Variants in SNX13 observed in about 807,000 individuals in gnomAD.
SNX13 encodes sorting nexin 13.
A neutral mutation model predicts 133.6 loss-of-function variants in SNX13; 45 were observed. That is an observed-to-expected ratio of 0.34 (90% confidence interval 0.27 to 0.43). SNX13 has a LOEUF of 0.43. Ranked by LOEUF, SNX13 falls within the 20% of genes least tolerant of loss-of-function variation. SNX13 has a pLI of 1.00. For missense variants in SNX13, 1,032 were observed against 1,145.1 expected, an observed-to-expected ratio of 0.90 and a Z score of 1.43; for synonymous variants, 414 against 373.9, an observed-to-expected ratio of 1.11 and a Z score of -1.24.
intron 20 of SNX13, among the ~76,000 whole-genome samples, chr7:17,810,057 A>C (rs1179630330): frequency 6.6e-6 from 1 of 152,060 alleles, no homozygotes; most frequent in East Asian, 1.9e-4. Context: ...GCAATTAAAA[A>C]AACTAGAGAA....
intron 11 of SNX13, among the ~76,000 whole-genome samples, chr7:17,846,592 T>C (rs2128322177): frequency 1.3e-5 from 2 of 152,050 alleles, no homozygotes; most frequent in Admixed American, 1.3e-4. Context: ...TTACTGTAAA[T>C]GAAGTAGGCT....
intron 1 of SNX13, among the ~76,000 whole-genome samples, chr7:17,927,262 A>T (rs569933278): frequency 1.4e-3 from 208 of 151,236 alleles, no homozygotes; most frequent in African/African-American, 4.4e-3. Context: ...TATATATTAG[A>T]AACAGTGTCT....
At chr7:17,921,083 A>G (rs1286307541) in intron 1 of SNX13, among the ~76,000 whole-genome samples, 1 of 152,122 alleles carries the variant, frequency 6.6e-6, no homozygotes, top group African/African-American at 2.4e-5. Flanking sequence ...CAACAGCCCC[A>G]AACTCTAGGG....
intron 12 of SNX13, among the ~76,000 whole-genome samples, chr7:17,841,348 G>A (rs1789849969): frequency 6.6e-6 from 1 of 152,040 alleles, no homozygotes; most frequent in Admixed American, 6.6e-5. Context: ...AAATTAGAAA[G>A]TGACTATGCA....
At position 17,893,382 on chromosome 7, in the gene SNX13, C is replaced by G; in HGVS notation, c.178G>C (p.Glu60Gln). 9 of 1,577,012 alleles carry G rather than the reference C, an allele frequency of 5.7e-6. No individual in the cohort carries two copies. The highest frequency in any genetic ancestry group is 7.8e-6 in the Non-Finnish European group (9 of 1,159,624). Residue 60 changes from glutamate (E) to glutamine (Q), a missense_variant, in exon 3 of 26, where the codon GAA becomes CAA. Transcript: ENST00000428135. ...FGKTNSEKYL[E>Q]QCEHSFLPPT... Reference sequence around the variant, plus strand: ...GGAAGAAATGAGTGTTCACACTGTTCTAGGTACTTCTCTGAGTTTGTTTTT... The same window carrying G: ...GGAAGAAATGAGTGTTCACACTGTTGTAGGTACTTCTCTGAGTTTGTTTTT...
In SNX13 at chr7:17,794,215, G is replaced by C; in HGVS notation, c.2704C>G (p.Gln902Glu). 6.2e-7 allele frequency: 1 copy of C among 1,611,682 alleles called. No individual in the cohort carries two copies. The highest frequency in any genetic ancestry group is 1.1e-5 in the South Asian group (1 of 90,952). Residue 902 changes from glutamine to glutamate, a missense_variant, in exon 26 of 26, where the codon CAA becomes GAA. Transcript: ENST00000428135. ...ACATAAACCATTCTCCTATTTAATTGGTTGTGCTGAAACATTTCAAAAACA... is the reference window on the plus strand; with the variant it reads ...ACATAAACCATTCTCCTATTTAATTCGTTGTGCTGAAACATTTCAAAAACA... ...LRVFEMFQHN[Q>E]LNRRMVYVFL... is the part of the protein sequence containing the mutation.
In SNX13 at chr7:17,826,856, G is replaced by A. The variant is rs1357498309; in HGVS notation, c.1636-765C>T. On this transcript the variant is annotated intron_variant, in intron 16 of 25. Transcript: ENST00000428135. ...GGAACATAACCATGTAATTAAAGCA[G>A]GCTGCAGAGTTAACATGGCAGCCTG... is the stretch of plus-strand genomic sequence containing the variant. Among the ~76,000 whole-genome samples the A allele has an allele frequency of 2.6e-5, 4 of 152,014 alleles. 1 individual carries two copies. Among genetic ancestry groups the A allele is most frequent in the Non-Finnish European group, 5.9e-5 (4 of 67,956 alleles).
intron 3 of SNX13, among the ~76,000 whole-genome samples, 182 bp from the exon 4 acceptor site, chr7:17,891,817 CA>C (rs1041430273): frequency 2.0e-5 from 3 of 151,844 alleles, no homozygotes; most frequent in Admixed American, 6.6e-5. Context: ...TAGACACTCC[CA>C]AAAAAATGAT....
At chr7:17,837,258 G>A (rs1441138957) in intron 13 of SNX13, among the ~76,000 whole-genome samples, 2 of 151,950 alleles carry the variant, frequency 1.3e-5, no homozygotes, top group African/African-American at 4.8e-5. Context: ...AGCCACCCAA[G>A]TAGCTAAGAA....
In SNX13 at chr7:17,893,395, T is replaced by C; in HGVS notation, c.165A>G (p.Ser55=). ...GTTCACACTGTTCTAGGTACTTCTCTGAGTTTGTTTTTCCAAACAGGAGAG... is the reference window on the plus strand; with the variant it reads ...GTTCACACTGTTCTAGGTACTTCTCCGAGTTTGTTTTTCCAAACAGGAGAG... ...VVTLLFGKTN[S]EKYLEQCEHS... is the part of the protein sequence containing the mutation. Residue 55 remains serine (S), a synonymous_variant, in exon 3 of 26, where the codon TCA becomes TCG. Transcript: ENST00000428135. 1 of 1,572,184 alleles carries C rather than the reference T, an allele frequency of 6.4e-7. No individual in the cohort carries two copies. Among genetic ancestry groups the C allele is most frequent in the Non-Finnish European group, 8.6e-7 (1 of 1,157,018 alleles).
intron 5 of SNX13, among the ~76,000 whole-genome samples, chr7:17,876,528 T>G (rs1794740159): frequency 6.9e-6 from 1 of 145,146 alleles, no homozygotes; most frequent in African/African-American, 2.6e-5. Flanking sequence ...TGCAGTGAGC[T>G]GTGACCACAC....
chr7:17,909,126 TCA>T (rs1798684851), intron 1 of SNX13, among the ~76,000 whole-genome samples: 1 of 151,042 alleles, frequency 6.6e-6, no homozygotes, highest in African/African-American at 2.4e-5. Flanking sequence ...GAAATGCTAA[TCA>T]AAAAAAAATT....
chr7:17,858,529 T>G (rs1397485499), intron 9 of SNX13, among the ~76,000 whole-genome samples: 1 of 152,094 alleles, frequency 6.6e-6, no homozygotes, highest in Non-Finnish European at 1.5e-5. Flanking sequence ...TGTTCCTAGA[T>G]AAGAAGACAA....
intron 8 of SNX13, among the ~76,000 whole-genome samples, chr7:17,869,341 A>C (rs1313572168): frequency 6.6e-6 from 1 of 152,114 alleles, no homozygotes; most frequent in African/African-American, 2.4e-5. Flanking sequence ...CCATCTTCTC[A>C]AGGTCATTGT....
intron 5 of SNX13, among the ~76,000 whole-genome samples, chr7:17,883,961 C>T (rs1214323697): frequency 2.0e-5 from 3 of 151,964 alleles, no homozygotes; most frequent in Non-Finnish European, 2.9e-5. Context: ...GCATTTTGTC[C>T]GTAGCTGCTT....
rs560504981 is a variant in SNX13 at position 17,841,140 on chromosome 7, G to T, written c.1166-1140C>A. Among the ~76,000 whole-genome samples, 7 of 152,126 alleles carry T rather than the reference G, an allele frequency of 4.6e-5. 1 individual carries two copies. The East Asian group carries it at 1.4e-3, about 29-fold the overall frequency. ...CACACTGCTGCTTCTGATCAAAGAG[G>T]TGCAGACAAATAGGCAGCCTTTGTT... On this transcript the variant is annotated intron_variant, in intron 12 of 25. Transcript: ENST00000428135.
At position 17,933,157 on chromosome 7, in the gene SNX13, G is replaced by T. The variant is rs181089346; in HGVS notation, c.12+7127C>A. 6.7e-4 allele frequency among the ~76,000 whole-genome samples: 102 copies of T among 152,272 alleles called. 1 individual carries two copies. Among genetic ancestry groups the T allele is most frequent in the Admixed American group, 5.7e-3 (87 of 15,304 alleles). On this transcript the variant is annotated intron_variant, in intron 1 of 25. Coordinates refer to ENST00000428135, the MANE Select transcript of SNX13 (RefSeq NM_015132.5). ...TTACCAAGTCTGATTAAAAATAAAA[G>T]ATTTTTCTTCCCACAAATGTTTGGG...
chr7:17,933,530 G>A (rs1177715182), intron 1 of SNX13, among the ~76,000 whole-genome samples: 3 of 150,570 alleles, frequency 2.0e-5, no homozygotes, highest in Admixed American at 6.6e-5. Context: ...GCAACAGAGC[G>A]AGACTCTGTC....
chr7:17,833,595 A>C (rs555019218), intron 15 of SNX13, among the ~76,000 whole-genome samples: 1 of 151,822 alleles, frequency 6.6e-6, no homozygotes, highest in South Asian at 2.1e-4. Context: ...TTCTAGCTCA[A>C]AAGTCTCTCA....
Sources: gnomAD v4.1 joint callset for allele counts (sites outside exome capture counted in the v4.1 genomes callset) on GRCh38, gnomAD v4.1.1 for gene constraint, MANE v1.5 for transcripts, NCBI Gene and HGNC (gene_info 2026-07-23, HGNC 2026-07-21) for gene names.